ABCB4: variants seen among roughly 807,000 people sequenced by gnomAD.
ABCB4 encodes the protein ATP binding cassette subfamily B member 4.
A neutral mutation model predicts 145.7 loss-of-function variants in ABCB4; 76 were observed. The ratio of observed to expected loss-of-function variants is 0.52; its 90% CI spans 0.43 to 0.63. The LOEUF is 0.63. Among genes scored for constraint, ABCB4 ranks in the 30% least tolerant of loss-of-function variants. The pLI, the probability that ABCB4 is intolerant of heterozygous loss-of-function variation, is 0.00. For synonymous variants in ABCB4, 517 were observed against 566.8 expected, an observed-to-expected ratio of 0.91 and a Z score of 1.25; for missense variants, 1,234 against 1,553.1, an observed-to-expected ratio of 0.79 and a Z score of 3.45.
At chr7:87,431,319 T>C (rs1810204925) in intron 15 of ABCB4, 85 bp downstream of exon 15, 1 of 1,547,538 alleles carries the variant, frequency 6.5e-7, no homozygotes, top group Non-Finnish European at 8.9e-7. Context: ...TTGCTCAGTA[T>C]AGCATTCACT....
chr7:87,402,896 G>C (rs903521987), intron 27 of ABCB4, among the ~76,000 whole-genome samples: 1 of 152,130 alleles, frequency 6.6e-6, no homozygotes, highest in Non-Finnish European at 1.5e-5. Flanking sequence ...CTACTCAGGA[G>C]GTTGAGGCAA....
downstream of ABCB4, among the ~76,000 whole-genome samples, chr7:87,396,921 T>C (rs1807545117): frequency 6.6e-6 from 1 of 152,220 alleles, no homozygotes; most frequent in Non-Finnish European, 1.5e-5. Context: ...GATGGTTGTA[T>C]AATTTCCAGT....
the ABCB4 span, among the ~76,000 whole-genome samples, chr7:87,387,113 CT>C: frequency 3.3e-5 from 5 of 151,766 alleles, no homozygotes; most frequent in Non-Finnish European, 7.4e-5. Flanking sequence ...TCTCTGGCCC[CT>C]GGGATCATCA....
chr7:87,385,558 T>C, the ABCB4 span, among the ~76,000 whole-genome samples: 1 of 152,228 alleles, frequency 6.6e-6, no homozygotes, highest in South Asian at 2.1e-4. Flanking sequence ...GCAACTTTAC[T>C]GAATTTGTTT....
intron 4 of ABCB4, among the ~76,000 whole-genome samples, chr7:87,458,269 A>C (rs1184851737): frequency 6.6e-6 from 1 of 152,208 alleles, no homozygotes; most frequent in Non-Finnish European, 1.5e-5. Flanking sequence ...CTCCGTCCTT[A>C]ATGTTTTGGA....
intron 17 of ABCB4, chr7:87,423,525 G>A (rs1202357570): frequency 6.3e-6 from 2 of 318,572 alleles, no homozygotes; most frequent in Admixed American, 4.4e-5. Context: ...CCCAGTGCCT[G>A]GACTCTTATT....
intron 6 of ABCB4, 132 bp downstream of exon 6, chr7:87,452,812 G>A: frequency 9.5e-7 from 1 of 1,052,002 alleles, no homozygotes; most frequent in Non-Finnish European, 1.4e-6. Flanking sequence ...AGACATGGCT[G>A]CCAGATGATC....
intron 4 of ABCB4, among the ~76,000 whole-genome samples, chr7:87,460,653 T>G (rs1584779201): frequency 6.6e-6 from 1 of 151,448 alleles, no homozygotes; most frequent in Non-Finnish European, 1.5e-5. Context: ...TATTTATTTA[T>G]TTATTTATTT....
chr7:87,464,715 CA>C (rs1003268841), intron 3 of ABCB4, among the ~76,000 whole-genome samples: 1 of 151,784 alleles, frequency 6.6e-6, no homozygotes, highest in Admixed American at 6.6e-5. Context: ...TCTTTCAGGA[CA>C]AAAAATATCT....
intron 11 of ABCB4, 61 bp downstream of exon 11, chr7:87,443,602 C>A: frequency 6.5e-7 from 1 of 1,546,884 alleles, no homozygotes; most frequent in South Asian, 1.1e-5. Context: ...AGACTTTATT[C>A]TTTAAAATGA....
At chr7:87,399,722 T>TA (rs1443169568), downstream of ABCB4, 1 of 152,260 alleles carries the variant, frequency 6.6e-6, no homozygotes. Flanking sequence ...TTGTAGTTTT[T>TA]ACTCTCAAAA....
At chr7:87,473,083 A>C (rs1486892189) in intron 2 of ABCB4, among the ~76,000 whole-genome samples, 1 of 152,212 alleles carries the variant, frequency 6.6e-6, no homozygotes, top group African/African-American at 2.4e-5. Flanking sequence ...TACATCTAGA[A>C]TTTAACCACT....
rs551477896 is a variant in ABCB4 at position 87,462,481 on chromosome 7, T to C, written c.286+277A>G. Among the ~76,000 whole-genome samples, 3 of 152,350 alleles carry C rather than the reference T, an allele frequency of 2.0e-5. No homozygotes were observed. The South Asian group carries it at 6.2e-4, about 32-fold the overall frequency. On this transcript the variant is annotated intron_variant, in intron 4 of 27. Transcript: ENST00000649586. The stretch of plus-strand genomic sequence containing the variant: ...AGATACTCTCATTACATTTCCACTG[T>C]TCTCAAGTAGAGTGACTTCCTTACT...
chr7:87,438,465 TG>T (rs1321434219), intron 14 of ABCB4, among the ~76,000 whole-genome samples: 36 of 152,148 alleles, frequency 2.4e-4, no homozygotes, highest in Admixed American at 1.2e-3. Context: ...GTCAAGATAT[TG>T]GTTAGGTGCA....
chr7:87,415,898 C>A (rs777611998), intron 21 of ABCB4, among the ~76,000 whole-genome samples: 5 of 152,136 alleles, frequency 3.3e-5, no homozygotes, highest in Non-Finnish European at 7.3e-5. Flanking sequence ...ACCATTCTCC[C>A]ATATGAAATG....
intron 24 of ABCB4, 96 bp downstream of exon 24, chr7:87,409,140 T>C: frequency 7.2e-7 from 1 of 1,383,114 alleles, no homozygotes; most frequent in Non-Finnish European, 1.0e-6. Context: ...CACATGTTGG[T>C]GTAATCATCA....
At chr7:87,369,999 A>G in the ABCB4 span, among the ~76,000 whole-genome samples, 9 of 152,044 alleles carry the variant, frequency 5.9e-5, no homozygotes, top group African/African-American at 2.2e-4. Flanking sequence ...ATCAACAGTT[A>G]TAAACTCATA....
the ABCB4 span, among the ~76,000 whole-genome samples, chr7:87,384,114 T>G: frequency 6.6e-6 from 1 of 152,192 alleles, no homozygotes; most frequent in Non-Finnish European, 1.5e-5. Context: ...TAAAAGTGAT[T>G]TTTAACTAGG....
intron 14 of ABCB4, among the ~76,000 whole-genome samples, chr7:87,434,819 T>G (rs2116640568): frequency 6.6e-6 from 1 of 152,334 alleles, no homozygotes; most frequent in Non-Finnish European, 1.5e-5. Flanking sequence ...TAGTAAATAT[T>G]TATTTAGCCT....
Sources: gnomAD v4.1 joint callset for allele counts (sites outside exome capture counted in the v4.1 genomes callset) on GRCh38, gnomAD v4.1.1 for gene constraint, MANE v1.5 for transcripts, NCBI Gene and HGNC (gene_info 2026-07-23, HGNC 2026-07-21) for gene names.